NEGR1: variants seen among roughly 807,000 people sequenced by gnomAD.
NEGR1 encodes IgLON family member 4.
In NEGR1, 10 loss-of-function variants were observed where a neutral mutation model predicts 40.9. The ratio of observed to expected loss-of-function variants is 0.24; its 90% CI spans 0.15 to 0.42. NEGR1 has a LOEUF of 0.42. Among genes scored for constraint, NEGR1 ranks in the 10% least tolerant of loss-of-function variants. NEGR1 has a pLI of 1.00. For synonymous variants in NEGR1, 185 were observed against 166.8 expected (o/e 1.11, Z -0.84); for missense variants, 352 against 438.9 (o/e 0.80, Z 1.77).
At chr1:72,206,360 T>C (rs1017463286) in intron 1 of NEGR1, among the ~76,000 whole-genome samples, 11 of 152,226 alleles carry the variant, frequency 7.2e-5, no homozygotes, top group East Asian at 1.9e-4. Context: ...CCTGAACTAA[T>C]AGCAAACTTG....
At chr1:71,989,080 T>A (rs1485323461) in intron 1 of NEGR1, among the ~76,000 whole-genome samples, 1 of 151,866 alleles carries the variant, frequency 6.6e-6, no homozygotes, top group South Asian at 2.1e-4. Flanking sequence ...GACTACCAAG[T>A]GAAAGCAAGA....
chr1:71,628,994 T>A (rs1463099078), intron 4 of NEGR1, among the ~76,000 whole-genome samples: 4 of 152,136 alleles, frequency 2.6e-5, no homozygotes, highest in African/African-American at 9.7e-5. Flanking sequence ...CACCACACTG[T>A]CTTCCACAAT....
At chr1:71,470,367 A>G (rs1646774312) in intron 6 of NEGR1, among the ~76,000 whole-genome samples, 1 of 152,086 alleles carries the variant, frequency 6.6e-6, no homozygotes, top group Non-Finnish European at 1.5e-5. Flanking sequence ...CTCGATGTTG[A>G]TGTTTTATGT....
At chr1:72,233,824 T>C (rs1025379895) in intron 1 of NEGR1, among the ~76,000 whole-genome samples, 1 of 152,106 alleles carries the variant, frequency 6.6e-6, no homozygotes, top group African/African-American at 2.4e-5. Flanking sequence ...ATAGTATTGC[T>C]GGGCTAAATG....
chr1:72,148,659 T>A (rs1291916584), intron 1 of NEGR1, among the ~76,000 whole-genome samples: 1 of 152,188 alleles, frequency 6.6e-6, no homozygotes, highest in African/African-American at 2.4e-5. Flanking sequence ...CTTAGAAATT[T>A]CTTCCGCCAG....
At chr1:71,930,735 G>A (rs563490471) in intron 2 of NEGR1, among the ~76,000 whole-genome samples, 1 of 152,202 alleles carries the variant, frequency 6.6e-6, no homozygotes, top group Non-Finnish European at 1.5e-5. Flanking sequence ...TAGAGTGCAA[G>A]ATGTTTATTA....
At chr1:72,093,329 C>CAAAAAAAAAAAAA (rs11370565) in intron 1 of NEGR1, among the ~76,000 whole-genome samples, 2,013 of 118,190 alleles carry the variant, frequency 0.017, 147 homozygotes, top group African/African-American at 0.048. Flanking sequence ...GACTCTGCCT[C>CAAAAAAAAAAAAA]AAAAAAAAAA....
intron 3 of NEGR1, among the ~76,000 whole-genome samples, chr1:71,756,408 A>C (rs774188547): frequency 0.083 from 9,622 of 115,326 alleles, 483 homozygotes; most frequent in African/African-American, 0.17. Context: ...AAACAAAAAC[A>C]AACAAAAAAA....
At chr1:72,124,666 G>T (rs888103390) in intron 1 of NEGR1, among the ~76,000 whole-genome samples, 3 of 152,002 alleles carry the variant, frequency 2.0e-5, no homozygotes, top group Non-Finnish European at 4.4e-5. Flanking sequence ...ACTATGTTAG[G>T]TTAATAACTA....
At chr1:71,652,430 C>T (rs544803514) in intron 4 of NEGR1, among the ~76,000 whole-genome samples, 120 of 152,088 alleles carry the variant, frequency 7.9e-4, no homozygotes, top group African/African-American at 2.7e-3. Flanking sequence ...TAGCCATCTA[C>T]GTTTATAAAT....
rs140527101 is a variant in NEGR1 at position 71,801,630 on chromosome 1, A to G, written c.410-25333T>C. ...TCCCTCTTATTCTCACACTCCACAT[A>G]TATTATCAGAAAATCTATTTGCCTC... On this transcript the variant is annotated intron_variant, in intron 2 of 6. Transcript: ENST00000357731. Among the ~76,000 whole-genome samples the G allele has an allele frequency of 3.4e-3, 522 of 152,246 alleles. 5 individuals carry two copies. Among genetic ancestry groups the G allele is most frequent in the African/African-American group, 0.012 (498 of 41,554 alleles).
intron 1 of NEGR1, among the ~76,000 whole-genome samples, chr1:72,056,606 C>T (rs186928774): frequency 4.0e-5 from 6 of 151,404 alleles, no homozygotes; most frequent in Non-Finnish European, 8.9e-5. Context: ...CAGATTCGCA[C>T]TAAGTTACTA....
intron 3 of NEGR1, among the ~76,000 whole-genome samples, chr1:71,749,988 C>CTTTTTTTTTTTTTT (rs768011020): frequency 0.021 from 2,865 of 135,862 alleles, 108 homozygotes; most frequent in African/African-American, 0.042. Flanking sequence ...TTGCTCCTTT[C>CTTTTTTTTTTTTTT]TTTTTTTTTT....
At chr1:71,598,241 A>T (rs1649794827) in intron 5 of NEGR1, among the ~76,000 whole-genome samples, 1 of 152,180 alleles carries the variant, frequency 6.6e-6, no homozygotes, top group Non-Finnish European at 1.5e-5. Flanking sequence ...GTTTGGAGAG[A>T]CAAATCAGAA....
At chr1:71,505,567 C>A (rs1226020531) in intron 6 of NEGR1, among the ~76,000 whole-genome samples, 1 of 152,210 alleles carries the variant, frequency 6.6e-6, no homozygotes, top group East Asian at 1.9e-4. Context: ...AGGCGTGAGC[C>A]ACCGCGCCCG....
intron 2 of NEGR1, among the ~76,000 whole-genome samples, chr1:71,858,114 T>C (rs1431707064): frequency 6.6e-6 from 1 of 152,090 alleles, no homozygotes; most frequent in African/African-American, 2.4e-5. Context: ...GCGGTTATCA[T>C]CACTGGTCAC....
At chr1:72,037,599 G>C (rs1438570949) in intron 1 of NEGR1, among the ~76,000 whole-genome samples, 2 of 151,982 alleles carry the variant, frequency 1.3e-5, no homozygotes, top group Non-Finnish European at 2.9e-5. Context: ...TTTTTGTCAT[G>C]CTTTCCTTCA....
intron 4 of NEGR1, among the ~76,000 whole-genome samples, chr1:71,625,369 TA>T (rs1193224682): frequency 6.6e-6 from 1 of 151,962 alleles, no homozygotes; most frequent in Non-Finnish European, 1.5e-5. Flanking sequence ...AAAGAGGGCT[TA>T]AAAATATTTG....
intron 6 of NEGR1, among the ~76,000 whole-genome samples, chr1:71,457,515 A>G (rs1452824081): frequency 6.6e-6 from 1 of 152,138 alleles, no homozygotes; most frequent in East Asian, 1.9e-4. Flanking sequence ...TCCTAGGAAA[A>G]AGAGGAAACA....
Sources: allele counts gnomAD v4.1 joint callset (sites outside exome capture counted in the v4.1 genomes callset), GRCh38; gene constraint gnomAD v4.1.1; transcripts MANE v1.5; gene names NCBI Gene and HGNC (gene_info 2026-07-23, HGNC 2026-07-21).